ERO1A: variants seen among roughly 807,000 people sequenced by gnomAD.
ERO1A encodes endoplasmic reticulum oxidoreductase 1 alpha.
In ERO1A, 49 loss-of-function variants were observed where a neutral mutation model predicts 76.9. That is an observed-to-expected ratio of 0.64 (90% CI 0.51 to 0.81). The LOEUF is 0.81. ERO1A is among the 30% of genes least tolerant of loss of function. The pLI is 0.00. For synonymous variants in ERO1A, 174 were observed against 181.2 expected, an observed-to-expected ratio of 0.96 and a Z score of 0.32; for missense variants, 448 against 542.1, an observed-to-expected ratio of 0.83 and a Z score of 1.72.
chr14:52,683,841 G>A lies in ERO1A; in HGVS notation c.181C>T (p.Leu61Phe). ...ETIDRFNNYR[L>F]FPRLQKLLES... is the part of the protein sequence containing the mutation. ...AGAAGTTTTTGTAGTCTTGGGAAAAGCCTGTAGTTATTAAATCTATCAATG... is the reference window on the plus strand; with the variant it reads ...AGAAGTTTTTGTAGTCTTGGGAAAAACCTGTAGTTATTAAATCTATCAATG... The change falls in exon 2 of 16, where the codon CTT becomes TTT. Residue 61 changes from leucine to phenylalanine, a missense_variant. Leu to Phe is a conservative substitution (Grantham distance 22). This residue lies in a region of ERO1A where 146 missense variants were observed against 130.2 expected (regional missense o/e 1.12). Transcript: ENST00000395686. 1 of 1,580,254 alleles carries A rather than the reference G, an allele frequency of 6.3e-7. No individual in the cohort carries two copies. The highest frequency in any genetic ancestry group is 8.7e-7 in the Non-Finnish European group (1 of 1,154,478).
At chr14:52,675,113 G>A (rs1191807031) in intron 4 of ERO1A, among the ~76,000 whole-genome samples, 1 of 152,134 alleles carries the variant, frequency 6.6e-6, no homozygotes, top group Non-Finnish European at 1.5e-5. Context: ...GCCGGGCACG[G>A]TGGCTCACAC....
chr14:52,678,481 GA>G lies in ERO1A; in HGVS notation c.319-10del, dbSNP rs553677997. On this transcript the variant is annotated splice_polypyrimidine_tract_variant and intron_variant, in intron 3 of 15. Transcript: ENST00000395686. Reference sequence around the variant, plus strand: ...CCATCAGGAACTTCATCCTGAAAAAGAAAAAAATATGTTTTTAGTTGGCATT... The same window carrying G: ...CCATCAGGAACTTCATCCTGAAAAAGAAAAAATATGTTTTTAGTTGGCATT... The G allele has an allele frequency of 5.6e-6, 9 of 1,608,694 alleles. 1 individual carries two copies. The highest frequency in any genetic ancestry group is 3.3e-5 in the South Asian group (3 of 90,880).
chr14:52,660,909 G>C (rs2040209402), intron 9 of ERO1A, among the ~76,000 whole-genome samples: 2 of 152,200 alleles, frequency 1.3e-5, no homozygotes, highest in African/African-American at 2.4e-5. Flanking sequence ...TTAGAAGCCA[G>C]CTCTGAAATC....
intron 11 of ERO1A, among the ~76,000 whole-genome samples, chr14:52,656,654 G>T (rs2040056703): frequency 6.8e-6 from 1 of 147,430 alleles, no homozygotes. Context: ...AGAGGTCACA[G>T]TGAGCCAAGA....
chr14:52,665,683 A>G (rs541231165), intron 7 of ERO1A, among the ~76,000 whole-genome samples: 1 of 152,294 alleles, frequency 6.6e-6, no homozygotes, highest in East Asian at 1.9e-4. Flanking sequence ...CGTGTGAGTA[A>G]CCTGAAGCAT....
chr14:52,672,061 G>A, intron 4 of ERO1A, 190 bp from the exon 5 acceptor site: 1 of 454,978 alleles, frequency 2.2e-6, no homozygotes, highest in Non-Finnish European at 3.8e-6. Flanking sequence ...TCCCGGCACT[G>A]TGGGAGCCCG....
At chr14:52,681,694 T>C (rs571138908) in intron 3 of ERO1A, among the ~76,000 whole-genome samples, 1 of 152,258 alleles carries the variant, frequency 6.6e-6, no homozygotes, top group South Asian at 2.1e-4. Flanking sequence ...TTTAAAACTC[T>C]ATTTTCACAG....
At chr14:52,665,522 T>C (rs1199576745) in intron 7 of ERO1A, among the ~76,000 whole-genome samples, 1 of 152,008 alleles carries the variant, frequency 6.6e-6, no homozygotes, top group Non-Finnish European at 1.5e-5. Context: ...TATATTTGAC[T>C]TATAAAAAGT....
At chr14:52,669,952 T>C (rs1407748094) in intron 6 of ERO1A, among the ~76,000 whole-genome samples, 3 of 152,204 alleles carry the variant, frequency 2.0e-5, no homozygotes, top group Admixed American at 2.0e-4. Flanking sequence ...AGAAAGGGTC[T>C]CACTCTGTCC....
intron 6 of ERO1A, among the ~76,000 whole-genome samples, chr14:52,671,301 A>G (rs1165725051): frequency 3.6e-4 from 55 of 152,210 alleles, no homozygotes; most frequent in Admixed American, 3.6e-3. Flanking sequence ...TTGCTTTGCC[A>G]TCTGTTTGAG....
Position 52,643,494 on chromosome 14 carries a change from G to T in ERO1A, c.*76C>A. ...AAATGTTTGGCTTAAGACTGTCATT[G>T]CTATTATGCCTTTGAATGAAATTCC... On this transcript the variant is annotated 3_prime_UTR_variant, in exon 16 of 16. Transcript: ENST00000395686. The T allele has an allele frequency of 1.1e-6, 1 of 934,952 alleles. No homozygotes were observed. Among genetic ancestry groups the T allele is most frequent in the Non-Finnish European group, 1.6e-6 (1 of 641,384 alleles). The allele number at this position is 934,952 out of a possible 1,614,324, so 57.9% of individuals were successfully genotyped here.
intron 1 of ERO1A, among the ~76,000 whole-genome samples, chr14:52,688,816 C>T (rs2041262496): frequency 6.6e-6 from 1 of 152,218 alleles, no homozygotes; most frequent in Non-Finnish European, 1.5e-5. Context: ...GTTCACTACT[C>T]TCATGTCAGA....
intron 1 of ERO1A, among the ~76,000 whole-genome samples, chr14:52,691,252 C>T (rs1296965304): frequency 6.6e-6 from 1 of 152,172 alleles, no homozygotes; most frequent in Non-Finnish European, 1.5e-5. Flanking sequence ...ACAAGTCTGT[C>T]AATGGAAGCA....
chr14:52,668,703 A>T (rs910998811), intron 6 of ERO1A, among the ~76,000 whole-genome samples: 75 of 150,388 alleles, frequency 5.0e-4, no homozygotes, highest in South Asian at 1.0e-3. Flanking sequence ...CTTATTATAA[A>T]TACTTCATTC....
chr14:52,681,275 T>C (rs542108716), intron 3 of ERO1A, among the ~76,000 whole-genome samples: 39 of 152,280 alleles, frequency 2.6e-4, no homozygotes, highest in Non-Finnish European at 4.9e-4. Context: ...AGTATAGGCA[T>C]ACAGTGGAAT....
At position 52,643,429 on chromosome 14, in the gene ERO1A, A is replaced by T. The variant is rs1300312262; in HGVS notation, c.*141T>A. 9.5e-6 allele frequency: 5 copies of T among 526,574 alleles called. No homozygotes were observed. In the African/African-American group the frequency reaches 1.0e-4, roughly 11 times the overall value. The allele number at this position is 526,574 out of a possible 1,614,324, so 32.6% of individuals were successfully genotyped here. A position where few individuals can be genotyped will look rare whatever the true frequency, so the allele number is the denominator to read the frequency against. On this transcript the variant is annotated 3_prime_UTR_variant, in exon 16 of 16. Coordinates refer to ENST00000395686, the MANE Select transcript of ERO1A (RefSeq NM_014584.3). The stretch of plus-strand genomic sequence containing the variant: ...ACAATTTTTAAAAATGTGTTTACTT[A>T]AAACAATATAATTCTCCTTTACAAA...
At chr14:52,654,911 T>C (rs1046761639) in intron 11 of ERO1A, among the ~76,000 whole-genome samples, 27 of 152,196 alleles carry the variant, frequency 1.8e-4, no homozygotes, top group African/African-American at 5.3e-4. Flanking sequence ...GATGAGAAAG[T>C]TGGTATTTAT....
At chr14:52,666,584 G>A (rs1386179035) in intron 6 of ERO1A, 89 bp from the exon 7 acceptor site, 12 of 1,162,016 alleles carry the variant, frequency 1.0e-5, no homozygotes, top group African/African-American at 3.2e-5. Context: ...TGATTCTAAC[G>A]CACCACAAAT....
chr14:52,681,742 A>G (rs2041000800), intron 3 of ERO1A, among the ~76,000 whole-genome samples: 1 of 152,214 alleles, frequency 6.6e-6, no homozygotes, highest in Non-Finnish European at 1.5e-5. Flanking sequence ...AAAATTCCTA[A>G]GTAAAACCAG....
Sources: gnomAD v4.1 joint callset for allele counts (sites outside exome capture counted in the v4.1 genomes callset) on GRCh38, gnomAD v4.1.1 for gene constraint, gnomAD v4.1.1 regional missense constraint, MANE v1.5 for transcripts, NCBI Gene and HGNC (gene_info 2026-07-23, HGNC 2026-07-21) for gene names.